The following OTOGL variants were observed in gnomAD, a reference collection of about 807,000 sequenced individuals.
The protein encoded by OTOGL is otogelin-like protein.
In OTOGL, 285 loss-of-function variants were observed where a neutral mutation model predicts 318.5. The ratio of observed to expected loss-of-function variants is 0.89; its 90% CI spans 0.81 to 0.99. The LOEUF (loss-of-function observed/expected upper bound fraction) is 0.99, where lower values mean the gene tolerates loss of function less well. OTOGL is among the 50% of genes least tolerant of loss of function. The pLI is 0.00. For synonymous variants in OTOGL, 987 were observed against 936.5 expected, an observed-to-expected ratio of 1.05 and a Z score of -0.99; for missense variants, 2,899 against 2,845.6, an observed-to-expected ratio of 1.02 and a Z score of -0.43.
chr12:80,259,303 A>G (rs185824714), intron 18 of OTOGL, among the ~76,000 whole-genome samples: 207 of 151,670 alleles, frequency 1.4e-3, no homozygotes, highest in Non-Finnish European at 2.4e-3. Context: ...GGGACATTTC[A>G]TGGAGAAGCT....
intron 1 of OTOGL, among the ~76,000 whole-genome samples, chr12:80,191,446 A>T (rs1404629035): frequency 2.0e-5 from 3 of 152,112 alleles, no homozygotes; most frequent in Admixed American, 6.6e-5. Flanking sequence ...ATAAATAAAT[A>T]AAAAAAATAA....
chr12:80,219,927 T>A lies in OTOGL; in HGVS notation c.334+15T>A, dbSNP rs771045373. On this transcript the variant is annotated intron_variant, in intron 6 of 58. Coordinates refer to ENST00000547103, the MANE Select transcript of OTOGL (RefSeq NM_001378609.3). The stretch of plus-strand genomic sequence containing the variant: ...ATGCCAGATCAGTAAGTTTCAGGGA[T>A]GCTTGTGAGATAATTATGAGATACC... 4.0e-6 allele frequency: 6 copies of A among 1,508,418 alleles called. No homozygotes were observed. The highest frequency in any genetic ancestry group is 5.4e-6 in the Non-Finnish European group (6 of 1,102,690). 93.4% of individuals were successfully genotyped at this position (1,508,418 alleles called of 1,614,324 possible).
At chr12:80,338,971 TA>T in intron 42 of OTOGL, 103 bp from the exon 43 acceptor site, 2 of 985,780 alleles carry the variant, frequency 2.0e-6, no homozygotes, top group Non-Finnish European at 2.9e-6. Flanking sequence ...TTAAAAAAAT[TA>T]AAAAATAGTT....
At chr12:80,294,258 A>T (rs1885237053) in intron 26 of OTOGL, among the ~76,000 whole-genome samples, 1 of 152,048 alleles carries the variant, frequency 6.6e-6, no homozygotes, top group Non-Finnish European at 1.5e-5. Flanking sequence ...TGAGCATAGC[A>T]TGAAATTGTA....
chr12:80,296,929 G>A lies in OTOGL; in HGVS notation c.3031G>A (p.Glu1011Lys). 2.6e-6 allele frequency: 4 copies of A among 1,552,426 alleles called. No homozygotes were observed. The highest frequency in any genetic ancestry group is 1.7e-4 in the Middle Eastern group (1 of 5,944). The change falls in exon 27 of 59, where the codon GAA becomes AAA. Residue 1011 changes from glutamate to lysine, a missense_variant. Coordinates refer to ENST00000547103, the MANE Select transcript of OTOGL (RefSeq NM_001378609.3). The stretch of plus-strand genomic sequence containing the variant: ...TGTTTTGATTTCAGTTGGGGACACT[G>A]AAATTTACCTGAATGATACTCCTTA... ...KSVLISVGDT[E>K]IYLNDTPYKQ...
At chr12:80,221,312 T>A (rs1435307110) in intron 6 of OTOGL, among the ~76,000 whole-genome samples, 1 of 149,432 alleles carries the variant, frequency 6.7e-6, no homozygotes, top group African/African-American at 2.5e-5. Flanking sequence ...TCACCAAGGC[T>A]GGAGTACAGT....
chr12:80,366,638 G>T lies in OTOGL; in HGVS notation c.6331+1G>T. 7.3e-7 allele frequency: 1 copy of T among 1,370,654 alleles called. No homozygotes were observed. The highest frequency in any genetic ancestry group is 9.6e-7 in the Non-Finnish European group (1 of 1,045,960). The allele number at this position is 1,370,654 out of a possible 1,614,324, so 84.9% of individuals were successfully genotyped here. ...TGTGGATGCATACAGTATCTCTGTG[G>T]TAACTATGTCTTTTGTAACTTTTAA... On this transcript the variant is annotated splice_donor_variant, in intron 53 of 58. Transcript: ENST00000547103. LOFTEE classifies it high-confidence loss of function.
rs573786386 is a variant in OTOGL, at chr12:80,220,801, G to A, written c.334+889G>A. ...CTCTTGGAGGCTGCAGTCTAGAGAAGGTGATAAATACACAACAGATACACA... is the reference window on the plus strand; with the variant it reads ...CTCTTGGAGGCTGCAGTCTAGAGAAAGTGATAAATACACAACAGATACACA... On this transcript the variant is annotated intron_variant, in intron 6 of 58. Transcript: ENST00000547103. 7.5e-4 allele frequency among the ~76,000 whole-genome samples: 114 copies of A among 151,988 alleles called. 1 individual carries two copies. The South Asian group carries it at 0.023, about 31-fold the overall frequency.
At chr12:80,203,742 T>C (rs1876619159) in intron 1 of OTOGL, among the ~76,000 whole-genome samples, 1 of 152,216 alleles carries the variant, frequency 6.6e-6, no homozygotes. Context: ...ATTTGTAATT[T>C]GCCTGGACTT....
chr12:80,110,947 T>A (rs749207188), intron 1 of OTOGL, among the ~76,000 whole-genome samples: 14 of 152,346 alleles, frequency 9.2e-5, no homozygotes, highest in Middle Eastern at 3.4e-3. Context: ...CCATTCTAAC[T>A]GGTGTGAAAT....
intron 4 of OTOGL, among the ~76,000 whole-genome samples, chr12:80,215,465 C>T (rs185240278): frequency 4.5e-4 from 68 of 152,164 alleles, no homozygotes; most frequent in African/African-American, 1.6e-3. Flanking sequence ...CCGCGCCCGG[C>T]CTGCATGTTT....
intron 1 of OTOGL, among the ~76,000 whole-genome samples, chr12:80,141,788 G>A (rs1871962442): frequency 6.6e-6 from 1 of 152,180 alleles, no homozygotes; most frequent in Non-Finnish European, 1.5e-5. Context: ...TTTACAGGGA[G>A]TCTGCAAAGT....
In OTOGL at chr12:80,336,831, G is replaced by A. The variant is rs941122714; in HGVS notation, c.4767+11G>A. 5.5e-5 allele frequency: 84 copies of A among 1,532,404 alleles called. No individual in the cohort carries two copies. The highest frequency in any genetic ancestry group is 7.3e-5 in the Non-Finnish European group (83 of 1,132,072). 94.9% of individuals were successfully genotyped at this position (1,532,404 alleles called of 1,614,324 possible). A position where few individuals can be genotyped will look rare whatever the true frequency, so the allele number is the denominator to read the frequency against. The stretch of plus-strand genomic sequence containing the variant: ...TCCTTAAAAAAGCTAGTGAGTATTT[G>A]CAAAGTGTTTAGTACATTCATTCTG... On this transcript the variant is annotated intron_variant, in intron 41 of 58. Transcript: ENST00000547103.
chr12:80,260,385 C>A (rs1565937276), intron 18 of OTOGL, among the ~76,000 whole-genome samples: 1 of 152,052 alleles, frequency 6.6e-6, no homozygotes, highest in African/African-American at 2.4e-5. Context: ...GTTTTCTCTT[C>A]TTTGTTTGTC....
At chr12:80,211,553 A>G (rs1877257298) in intron 3 of OTOGL, among the ~76,000 whole-genome samples, 1 of 152,180 alleles carries the variant, frequency 6.6e-6, no homozygotes, top group Non-Finnish European at 1.5e-5. Flanking sequence ...ATAGCACAGG[A>G]GAGAATTAAG....
At chr12:80,196,611 C>T (rs1474510776) in intron 1 of OTOGL, among the ~76,000 whole-genome samples, 2 of 152,098 alleles carry the variant, frequency 1.3e-5, no homozygotes, top group Non-Finnish European at 2.9e-5. Context: ...GGACATCGTT[C>T]CCCGGAGGCA....
chr12:80,267,518 A>AG (rs1883083447), intron 22 of OTOGL, among the ~76,000 whole-genome samples, 191 bp downstream of exon 22: 1 of 151,278 alleles, frequency 6.6e-6, no homozygotes, highest in Non-Finnish European at 1.5e-5. Context: ...CTCGTCATTT[A>AG]CATTACATTG....
chr12:80,277,977 C>T (rs1436710769), intron 24 of OTOGL, among the ~76,000 whole-genome samples, 191 bp from the exon 25 acceptor site: 2 of 151,326 alleles, frequency 1.3e-5, no homozygotes, highest in Non-Finnish European at 3.0e-5. Context: ...GCATTTAGTA[C>T]TGCGATATGT....
chr12:80,242,314 G>A (rs773459023), intron 11 of OTOGL, among the ~76,000 whole-genome samples: 1 of 152,184 alleles, frequency 6.6e-6, no homozygotes, highest in Non-Finnish European at 1.5e-5. Flanking sequence ...TGTGCTGGCT[G>A]AAATCAGCTG....
Sources: allele counts gnomAD v4.1 joint callset (sites outside exome capture counted in the v4.1 genomes callset), GRCh38; gene constraint gnomAD v4.1.1; transcripts MANE v1.5; gene names NCBI Gene and HGNC (gene_info 2026-07-23, HGNC 2026-07-21).